Variants in SLC6A3 observed in about 807,000 individuals in gnomAD.
The protein encoded by SLC6A3 is sodium-dependent dopamine transporter.
In SLC6A3, 19 loss-of-function variants were observed where a neutral mutation model predicts 70.4. The ratio of observed to expected loss-of-function variants is 0.27; its 90% CI spans 0.19 to 0.40. The LOEUF is 0.40. Ranked by LOEUF, SLC6A3 falls within the 10% of genes least tolerant of loss-of-function variation. The probability of loss-of-function intolerance (pLI) is 1.00; values close to 1 mark genes in which losing one functional copy is unlikely to be tolerated. For synonymous variants in SLC6A3, 368 were observed against 356.6 expected (o/e 1.03, Z -0.36); for missense variants, 613 against 838.5 (o/e 0.73, Z 3.32).
intron 4 of SLC6A3, among the ~76,000 whole-genome samples, chr5:1,425,503 C>T (rs532632090): frequency 5.9e-5 from 9 of 152,140 alleles, no homozygotes; most frequent in African/African-American, 2.2e-4. Context: ...AATCAGTGAA[C>T]AGCTACTTCA....
chr5:1,394,543 G>T lies in SLC6A3; in HGVS notation c.*192C>A, dbSNP rs1204573445. The T allele has an allele frequency of 5.7e-6, 4 of 695,970 alleles. No homozygotes were observed. The East Asian group carries it at 1.0e-4, about 18-fold the overall frequency. 43.1% of individuals were successfully genotyped at this position (695,970 alleles called of 1,614,324 possible). On this transcript the variant is annotated 3_prime_UTR_variant, in exon 15 of 15. Transcript: ENST00000270349. The surrounding 1 kb of genome is among the most constrained non-coding windows in gnomAD (Gnocchi z 4.7). The stretch of plus-strand genomic sequence containing the variant: ...CGTTATTACAGCAACACAAGACACG[G>T]CGAGGTGCGCTCCCGGCACGGAAAG...
intron 3 of SLC6A3, among the ~76,000 whole-genome samples, chr5:1,439,229 G>A (rs1387235905): frequency 6.6e-6 from 1 of 150,650 alleles, no homozygotes; most frequent in Non-Finnish European, 1.5e-5. Context: ...ATTCTTGTAC[G>A]GTTTGACTTC....
rs771998494 is a variant in SLC6A3, at chr5:1,411,937, C to T, written c.1157-582G>A. Among the ~76,000 whole-genome samples, 26 of 152,118 alleles carry T rather than the reference C, an allele frequency of 1.7e-4. No individual in the cohort carries two copies. Among genetic ancestry groups the T allele is most frequent in the Non-Finnish European group, 2.8e-4 (19 of 68,036 alleles). ...ACACAGACACATGCGCGCACATGCA[C>T]GAACACTCATTTGTGCATTCAAACT... On this transcript the variant is annotated intron_variant, in intron 8 of 14. Coordinates refer to ENST00000270349, the MANE Select transcript of SLC6A3 (RefSeq NM_001044.5). The surrounding 1 kb of genome is among the most constrained non-coding windows in gnomAD (Gnocchi z 6.5).
chr5:1,400,765 C>A, intron 14 of SLC6A3, 150 bp downstream of exon 14: 1 of 705,320 alleles, frequency 1.4e-6, no homozygotes, highest in Non-Finnish European at 2.6e-6. Flanking sequence ...CACCTGCCAC[C>A]ACTGGCTGCC....
chr5:1,434,621 T>G (rs34079488), intron 3 of SLC6A3, among the ~76,000 whole-genome samples: 1 of 74,028 alleles, frequency 1.4e-5, no homozygotes, highest in Non-Finnish European at 2.4e-5. Context: ...CCAGGAAGAA[T>G]TTTTTTCATT....
chr5:1,416,004 G>A (rs547424204), intron 7 of SLC6A3, 94 bp downstream of exon 7: 27 of 964,426 alleles, frequency 2.8e-5, no homozygotes, highest in African/African-American at 9.6e-5. Flanking sequence ...CAGTGGATCC[G>A]CCCTGTTCTC....
chr5:1,420,271 AT>A (rs1328818847), intron 6 of SLC6A3, among the ~76,000 whole-genome samples: 1 of 152,156 alleles, frequency 6.6e-6, no homozygotes. Flanking sequence ...CAAGGGTCCC[AT>A]CCCCCATGGC....
chr5:1,414,520 A>AGGGCGGAGAAGGCACTGGGTGGGGGGCCG (rs1560913105), intron 8 of SLC6A3, among the ~76,000 whole-genome samples, 171 bp downstream of exon 8: 1 of 56,402 alleles, frequency 1.8e-5, no homozygotes, highest in African/African-American at 7.4e-5. Context: ...GGGTGGGGGC[A>AGGGCGGAGAAGGCACTGGGTGGGGGGCCG]GGTCTGTACT....
At chr5:1,395,366 G>A (rs545453125) in intron 14 of SLC6A3, among the ~76,000 whole-genome samples, 6 of 152,374 alleles carry the variant, frequency 3.9e-5, no homozygotes, top group East Asian at 1.9e-4. Flanking sequence ...GTTTGTGAGC[G>A]TCAAAGCCCC....
rs551379684 is a variant in SLC6A3, at chr5:1,414,246, C to T, written c.1156+445G>A. 1.3e-3 allele frequency among the ~76,000 whole-genome samples: 194 copies of T among 151,752 alleles called. 4 individuals are homozygous for T. The highest frequency in any genetic ancestry group is 3.9e-3 in the African/African-American group (160 of 41,394). On this transcript the variant is annotated intron_variant, in intron 8 of 14. Coordinates refer to ENST00000270349, the MANE Select transcript of SLC6A3 (RefSeq NM_001044.5). The stretch of plus-strand genomic sequence containing the variant: ...AGAGGGCCCTCAGTGACAGCATCTA[C>T]GCCAGACCCTGGTGGGGCAGCCTCA...
intron 7 of SLC6A3, 152 bp downstream of exon 7, chr5:1,415,946 G>A (rs550326227): frequency 5.2e-5 from 36 of 693,744 alleles, no homozygotes; most frequent in African/African-American, 1.1e-4. Context: ...GAGCTGCCTC[G>A]CTGTCGCTTC....
intron 14 of SLC6A3, among the ~76,000 whole-genome samples, chr5:1,400,074 C>T (rs1200590278): frequency 4.6e-5 from 7 of 152,238 alleles, no homozygotes; most frequent in African/African-American, 1.7e-4. Flanking sequence ...GCCCTCCACA[C>T]TATGGCCTTC....
At position 1,408,783 on chromosome 5, in the gene SLC6A3, G is replaced by A. The variant is rs1579704907; in HGVS notation, c.1498+243C>T. On this transcript the variant is annotated intron_variant, in intron 11 of 14. Coordinates refer to ENST00000270349, the MANE Select transcript of SLC6A3 (RefSeq NM_001044.5). This position sits in a 1 kb window ranked among gnomAD's most constrained non-coding sequence, Gnocchi z 6.4. The stretch of plus-strand genomic sequence containing the variant: ...CTCTAGCGTGGAGGAGGCAGAAGAC[G>A]CCCAGCCGCTGTGAACACCTCTGAC... Among the ~76,000 whole-genome samples the A allele has an allele frequency of 1.3e-5, 2 of 152,298 alleles. No individual in the cohort carries two copies. The highest frequency in any genetic ancestry group is 2.1e-4 in the South Asian group (1 of 4,828).
At chr5:1,432,336 A>G in intron 4 of SLC6A3, 128 bp downstream of exon 4, 1 of 727,368 alleles carries the variant, frequency 1.4e-6, no homozygotes. Flanking sequence ...AAAGGGATGG[A>G]GTGCAGGAAC....
rs539846736 is a variant in SLC6A3 at position 1,413,174 on chromosome 5, A to G, written c.1156+1517T>C. ...GTTTTTGCAAACTATGCTCGTTATC[A>G]TAATAAAGGGCAAAAAGAATGAAGA... is the stretch of plus-strand genomic sequence containing the variant. On this transcript the variant is annotated intron_variant, in intron 8 of 14. Coordinates refer to ENST00000270349, the MANE Select transcript of SLC6A3 (RefSeq NM_001044.5). This position sits in a 1 kb window ranked among gnomAD's most constrained non-coding sequence, Gnocchi z 7.1. Among the ~76,000 whole-genome samples, 1 of 152,246 alleles carries G rather than the reference A, an allele frequency of 6.6e-6. No homozygotes were observed. Among genetic ancestry groups the G allele is most frequent in the Non-Finnish European group, 1.5e-5 (1 of 68,052 alleles).
chr5:1,421,819 C>T lies in SLC6A3; in HGVS notation c.792+57G>A. On this transcript the variant is annotated intron_variant, in intron 5 of 14. Transcript: ENST00000270349. The surrounding 1 kb of genome is among the most constrained non-coding windows in gnomAD (Gnocchi z 7.2). ...TGCACCTCCTGTCCAGCCACGGCCACATGTCCACTTGGTGGCCCCATGTCT... is the reference window on the plus strand; with the variant it reads ...TGCACCTCCTGTCCAGCCACGGCCATATGTCCACTTGGTGGCCCCATGTCT... The T allele has an allele frequency of 1.9e-6, 3 of 1,598,250 alleles. No individual in the cohort carries two copies. The highest frequency in any genetic ancestry group is 1.7e-6 in the Non-Finnish European group (2 of 1,167,486).
rs1372280363 is a variant in SLC6A3 at position 1,404,434 on chromosome 5, T to C, written c.1600-1345A>G. Among the ~76,000 whole-genome samples, 2 of 152,256 alleles carry C rather than the reference T, an allele frequency of 1.3e-5. No individual in the cohort carries two copies. The highest frequency in any genetic ancestry group is 2.9e-5 in the Non-Finnish European group (2 of 68,036). On this transcript the variant is annotated intron_variant, in intron 12 of 14. Coordinates refer to ENST00000270349, the MANE Select transcript of SLC6A3 (RefSeq NM_001044.5). This position sits in a 1 kb window ranked among gnomAD's most constrained non-coding sequence, Gnocchi z 5.2. ...ATGGAGGTATTGCTGTAATGTGCTC[T>C]CTGTTATTGTTCAACTTCTTGCTAG...
At position 1,402,942 on chromosome 5, in the gene SLC6A3, G is replaced by A. The variant is rs747104806; in HGVS notation, c.1747C>T (p.Leu583=). 4 of 1,613,888 alleles carry A rather than the reference G, an allele frequency of 2.5e-6. No homozygotes were observed. In the Admixed American group the frequency reaches 6.7e-5, roughly 27 times the overall value. The change falls in exon 13 of 15, where the codon CTG becomes TTG. Residue 583 remains leucine, a synonymous_variant. Transcript: ENST00000270349. The surrounding 1 kb of genome is among the most constrained non-coding windows in gnomAD (Gnocchi z 8.5). The stretch of plus-strand genomic sequence containing the variant: ...CCCACCTCTCGAAAGGACCCAGGCA[G>A]GCTGCAGAACTTGTAGGCCGCATAG... ...PIYAAYKFCS[L]PGSFREKLAY...
chr5:1,400,829 T>C (rs1755831572), intron 14 of SLC6A3, 86 bp downstream of exon 14: 1 of 938,524 alleles, frequency 1.1e-6, no homozygotes, highest in East Asian at 2.7e-5. Context: ...TACACCAGCC[T>C]CGGAGCCCCC....
Sources: gnomAD v4.1 joint callset for allele counts (sites outside exome capture counted in the v4.1 genomes callset) on GRCh38, gnomAD v4.1.1 for gene constraint, Gnocchi (gnomAD v3.1) non-coding constraint, MANE v1.5 for transcripts, NCBI Gene and HGNC (gene_info 2026-07-23, HGNC 2026-07-21) for gene names.